The following GFRA3 variants were observed in gnomAD, a reference collection of about 807,000 sequenced individuals.
GFRA3 encodes GDNF family receptor alpha 3, also known as GDNF family receptor alpha-3.
GFRA3 carries 24 observed loss-of-function variants against 40.0 expected under a neutral mutation model. The observed-to-expected ratio is 0.60, with a 90% CI of 0.43 to 0.84. GFRA3 has a LOEUF of 0.84. GFRA3 is among the 40% of genes least tolerant of loss of function. The pLI is 0.00. For missense variants in GFRA3, 405 were observed against 530.6 expected, an observed-to-expected ratio of 0.76 and a Z score of 2.33; for synonymous variants, 203 against 213.5, an observed-to-expected ratio of 0.95 and a Z score of 0.43.
At position 138,252,575 on chromosome 5, in the gene GFRA3, G is replaced by A. The variant is rs982885436; in HGVS notation, c.*393C>T. 6.2e-6 allele frequency: 1 copy of A among 161,022 alleles called. No homozygotes were observed. The highest frequency in any genetic ancestry group is 1.4e-5 in the Non-Finnish European group (1 of 73,562). The allele number at this position is 161,022 out of a possible 1,614,324, so 10.0% of individuals were successfully genotyped here. Reference sequence around the variant, plus strand: ...AGGGGGCAGGAGCCTTCTTCACAAAGGAGAATGACTTTCTAGGCTGCCTCA... The same window carrying A: ...AGGGGGCAGGAGCCTTCTTCACAAAAGAGAATGACTTTCTAGGCTGCCTCA... On this transcript the variant is annotated 3_prime_UTR_variant, in exon 8 of 8. Transcript: ENST00000274721.
Position 138,274,621 on chromosome 5 carries a change from C to T in GFRA3, c.-197G>A, listed in dbSNP as rs1410192641. 27 of 1,211,020 alleles carry T rather than the reference C, an allele frequency of 2.2e-5. No individual in the cohort carries two copies. The highest frequency in any genetic ancestry group is 2.8e-5 in the Non-Finnish European group (27 of 975,270). The allele number at this position is 1,211,020 out of a possible 1,614,324, so 75.0% of individuals were successfully genotyped here. On this transcript the variant is annotated 5_prime_UTR_variant, in exon 1 of 8. Transcript: ENST00000274721. The stretch of plus-strand genomic sequence containing the variant: ...ACACCACGCGCCTCCAGCGCTGGTC[C>T]GAGGGACCGCGGGGGTGGGGGCGGG...
At chr5:138,265,652 T>C (rs1265354565) in intron 1 of GFRA3, among the ~76,000 whole-genome samples, 1 of 152,158 alleles carries the variant, frequency 6.6e-6, no homozygotes, top group Non-Finnish European at 1.5e-5. Context: ...CTTCTCCTTC[T>C]TCCCTCTTCT....
chr5:138,263,967 T>C (rs1052874555), intron 2 of GFRA3, among the ~76,000 whole-genome samples: 2 of 152,192 alleles, frequency 1.3e-5, no homozygotes, highest in Admixed American at 1.3e-4. Flanking sequence ...CTCCTGTCCA[T>C]ACCCGCTGTT....
intron 1 of GFRA3, among the ~76,000 whole-genome samples, chr5:138,273,983 G>C (rs550043000): frequency 2.0e-5 from 3 of 152,328 alleles, no homozygotes; most frequent in African/African-American, 7.2e-5. Flanking sequence ...TTTCTGATCT[G>C]ATTCTCCCCG....
chr5:138,261,256 T>A (rs1220669441), intron 2 of GFRA3, among the ~76,000 whole-genome samples: 1 of 152,146 alleles, frequency 6.6e-6, no homozygotes, highest in Non-Finnish European at 1.5e-5. Context: ...TAGGGGAAGC[T>A]GAGAAGCAGA....
Position 138,254,072 on chromosome 5 carries a change from A to G in GFRA3, c.874T>C (p.Tyr292His). Residue 292 changes from tyrosine (Y) to histidine (H), a missense_variant, in exon 5 of 8, where the codon TAC (tyrosine) becomes CAC (histidine). Coordinates refer to ENST00000274721, the MANE Select transcript of GFRA3 (RefSeq NM_001496.4). ...CCAGCCTCACCAATCAGCCCCAGGT[A>G]TGCTCGTAGACATCTGGACTGCTCT... ...ATEQSRCLRA[Y>H]LGLIGTAMTP... 3.1e-6 allele frequency: 5 copies of G among 1,609,704 alleles called. No individual in the cohort carries two copies. The highest frequency in any genetic ancestry group is 4.3e-6 in the Non-Finnish European group (5 of 1,176,052).
At chr5:138,266,310 T>A (rs1755781794) in intron 1 of GFRA3, among the ~76,000 whole-genome samples, 1 of 152,190 alleles carries the variant, frequency 6.6e-6, no homozygotes, top group African/African-American at 2.4e-5. Context: ...AGGAGTCTAG[T>A]TTCTATACAT....
At chr5:138,268,343 A>G (rs1561653378) in intron 1 of GFRA3, among the ~76,000 whole-genome samples, 1 of 150,608 alleles carries the variant, frequency 6.6e-6, no homozygotes, top group Non-Finnish European at 1.5e-5. Flanking sequence ...AGAAGATAAC[A>G]TTGGAAAAAT....
At chr5:138,253,250 A>C in intron 7 of GFRA3, 37 bp downstream of exon 7, 1 of 1,375,202 alleles carries the variant, frequency 7.3e-7, no homozygotes, top group South Asian at 1.2e-5. Context: ...CAGCCGGCCC[A>C]GTAAAGGTCT....
chr5:138,273,720 T>G (rs1301455151), intron 1 of GFRA3, among the ~76,000 whole-genome samples: 1 of 152,208 alleles, frequency 6.6e-6, no homozygotes, highest in African/African-American at 2.4e-5. Context: ...GATCCCAGGC[T>G]GTTCTTCCTT....
At chr5:138,271,911 T>TGTGTGTGTGTGTGTGTG (rs61407779) in intron 1 of GFRA3, among the ~76,000 whole-genome samples, 27 of 95,246 alleles carry the variant, frequency 2.8e-4, no homozygotes, top group South Asian at 9.6e-4. Flanking sequence ...TTTTTTTTTT[T>TGTGTGTGTGTGTGTGTG]TTTGTGTGTG....
Position 138,274,583 on chromosome 5 carries a change from G to T in GFRA3, c.-159C>A. The T allele has an allele frequency of 8.2e-7, 1 of 1,224,778 alleles. No individual in the cohort carries two copies. Among genetic ancestry groups the T allele is most frequent in the Middle Eastern group, 3.2e-4 (1 of 3,168 alleles). The allele number at this position is 1,224,778 out of a possible 1,614,324, so 75.9% of individuals were successfully genotyped here. On this transcript the variant is annotated 5_prime_UTR_variant, in exon 1 of 8. Coordinates refer to ENST00000274721, the MANE Select transcript of GFRA3 (RefSeq NM_001496.4). ...GTCCTGGGCGCCGCCCTCCAACTCC[G>T]AAGCGCGCGTCCACACCACGCGCCT... is the stretch of plus-strand genomic sequence containing the variant.
Position 138,253,015 on chromosome 5 carries a change from G to C in GFRA3, c.1156C>G (p.Leu386Val), listed in dbSNP as rs1287961189. The C allele has an allele frequency of 1.2e-6, 2 of 1,610,464 alleles. No individual in the cohort carries two copies. The highest frequency in any genetic ancestry group is 8.5e-7 in the Non-Finnish European group (1 of 1,177,030). Residue 386 changes from leucine (L) to valine (V), a missense_variant, in exon 8 of 8, where the codon CTT (leucine) becomes GTT (valine). Leu to Val is a conservative substitution (Grantham distance 32). Coordinates refer to ENST00000274721, the MANE Select transcript of GFRA3 (RefSeq NM_001496.4). The part of the protein sequence containing the change: ...AVRPQPWVPS[L>V]FSCTLPLILL... ...ATCAAGGGAAGCGTGCAGGAGAAAA[G>C]AGAGGGCACCCAGGGCTGTGGCCTC...
intron 1 of GFRA3, chr5:138,267,635 C>A: frequency 4.7e-6 from 1 of 210,966 alleles, no homozygotes; most frequent in South Asian, 8.8e-5. Flanking sequence ...AAAGATCAGT[C>A]TTTACTCGTC....
chr5:138,271,566 TCTTTCTC>T (rs1304655376), intron 1 of GFRA3, among the ~76,000 whole-genome samples: 1 of 152,030 alleles, frequency 6.6e-6, no homozygotes, highest in African/African-American at 2.4e-5. Flanking sequence ...CCTTTCTTTT[TCTTTCTC>T]CTTTCTCCTT....
Position 138,264,483 on chromosome 5 carries a change from C to A in GFRA3, c.157G>T (p.Ala53Ser). 2 of 1,613,460 alleles carry A rather than the reference C, an allele frequency of 1.2e-6. No homozygotes were observed. The highest frequency in any genetic ancestry group is 8.5e-7 in the Non-Finnish European group (1 of 1,179,492). The change falls in exon 2 of 8, where the codon GCT becomes TCT. Residue 53 changes from alanine to serine, a missense_variant. Ala to Ser is a moderately conservative substitution (Grantham distance 99). Transcript: ENST00000274721. ...TAGGCAGCACTGCAGGTGGGATCAG[C>A]CTGGCACTTCCTCCTGGCCTGGAGA... ...SCLQARRKCQ[A>S]DPTCSAAYHH...
chr5:138,259,316 C>T (rs527945297), intron 3 of GFRA3, among the ~76,000 whole-genome samples: 1 of 152,348 alleles, frequency 6.6e-6, no homozygotes, highest in South Asian at 2.1e-4. Flanking sequence ...CTTGTGGAAA[C>T]AGGGAGCCCT....
At chr5:138,274,184 C>A in intron 1 of GFRA3, 150 bp downstream of exon 1, 1 of 1,048,458 alleles carries the variant, frequency 9.5e-7, no homozygotes, top group Non-Finnish European at 1.2e-6. Context: ...CCCTTGCAGG[C>A]ACCCTGGGCT....
intron 3 of GFRA3, among the ~76,000 whole-genome samples, chr5:138,258,166 C>CTTTTTTTTTTTTTTTTTTTTTTTTTTTTT (rs66792829): frequency 1.9e-5 from 1 of 51,640 alleles, no homozygotes; most frequent in Non-Finnish European, 3.3e-5. Context: ...CCCTACTCCT[C>CTTTTTTTTTTTTTTTTTTTTTTTTTTTTT]TTTTTTTTTT....
Sources: allele counts gnomAD v4.1 joint callset (sites outside exome capture counted in the v4.1 genomes callset), GRCh38; gene constraint gnomAD v4.1.1; transcripts MANE v1.5; gene names NCBI Gene and HGNC (gene_info 2026-07-23, HGNC 2026-07-21).